ATP8B1: variants seen among roughly 807,000 people sequenced by gnomAD.
ATP8B1 encodes ATPase phospholipid transporting 8B1, also known as phospholipid-transporting ATPase IC.
Under a neutral mutation model 149.9 loss-of-function variants are expected in ATP8B1, and 80 were observed. The observed-to-expected ratio is 0.53, with a 90% CI of 0.45 to 0.64. The LOEUF (loss-of-function observed/expected upper bound fraction) is 0.64. Ranked by LOEUF, ATP8B1 falls within the 30% of genes least tolerant of loss-of-function variation. ATP8B1 has a pLI of 0.00. For synonymous variants in ATP8B1, 536 were observed against 562.8 expected (o/e 0.95, Z 0.67); for missense variants, 1,247 against 1,552.6 (o/e 0.80, Z 3.31).
intron 1 of ATP8B1, among the ~76,000 whole-genome samples, chr18:57,746,498 G>A (rs1169312356): frequency 1.6e-5 from 2 of 121,370 alleles, no homozygotes; most frequent in Admixed American, 1.0e-4. Context: ...TTTTGAGACA[G>A]AGTCTCACTC....
intron 1 of ATP8B1, among the ~76,000 whole-genome samples, chr18:57,789,291 C>A (rs779624423): frequency 4.6e-5 from 7 of 152,158 alleles, no homozygotes; most frequent in Admixed American, 1.3e-4. Flanking sequence ...GATTTTCCAA[C>A]CTTCGGCTGT....
chr18:57,779,681 C>A lies in ATP8B1; in HGVS notation c.-26+23317G>T, dbSNP rs964189357. 2.6e-5 allele frequency among the ~76,000 whole-genome samples: 4 copies of A among 152,110 alleles called. No homozygotes were observed. In the East Asian group the frequency reaches 7.7e-4, roughly 29 times the overall value. ...TTGGGAGGCCGAGGCGGGTAGGTCA[C>A]GAGGTCAGCACTTCGAGACCAGCCC... is the stretch of plus-strand genomic sequence containing the variant. On this transcript the variant is annotated intron_variant, in intron 1 of 27. Transcript: ENST00000648908.
rs555214309 is a variant in ATP8B1 at position 57,709,363 on chromosome 18, G to C, written c.182-2776C>G. On this transcript the variant is annotated intron_variant, in intron 2 of 27. Coordinates refer to ENST00000648908, the MANE Select transcript of ATP8B1 (RefSeq NM_001374385.1). ...TGAGAAGTCCTGTAGTAAATAAACT[G>C]ATTTTATTTTATAAGTTAAATGTTT... Among the ~76,000 whole-genome samples, 9 of 152,240 alleles carry C rather than the reference G, an allele frequency of 5.9e-5. No individual in the cohort carries two copies. In the East Asian group the frequency reaches 1.7e-3, roughly 29 times the overall value.
chr18:57,729,549 C>CTTTTTTTTTTTTTTTTTTTTTTTT (rs71171074), intron 2 of ATP8B1, among the ~76,000 whole-genome samples: 1 of 120,740 alleles, frequency 8.3e-6, no homozygotes, highest in African/African-American at 3.2e-5. Context: ...TTCTTTCTTT[C>CTTTTTTTTTTTTTTTTTTTTTTTT]TTTTTTTTTT....
intron 2 of ATP8B1, among the ~76,000 whole-genome samples, chr18:57,719,693 G>A (rs939175131): frequency 1.3e-5 from 2 of 152,188 alleles, no homozygotes; most frequent in African/African-American, 4.8e-5. Flanking sequence ...AGAGGTGCCC[G>A]CCATTGCCCA....
At chr18:57,718,258 A>G (rs899755889) in intron 2 of ATP8B1, among the ~76,000 whole-genome samples, 2 of 152,086 alleles carry the variant, frequency 1.3e-5, no homozygotes, top group Admixed American at 6.6e-5. Flanking sequence ...GAAAATGTAG[A>G]AAAAAATGGA....
intron 2 of ATP8B1, among the ~76,000 whole-genome samples, chr18:57,723,832 C>T (rs1477532823): frequency 1.3e-5 from 2 of 149,704 alleles, no homozygotes; most frequent in South Asian, 2.1e-4. Flanking sequence ...AGGCATCACA[C>T]TACCTGACTT....
chr18:57,764,756 TCAAAAAAAAAAA>T (rs2080194846), intron 1 of ATP8B1, among the ~76,000 whole-genome samples: 1 of 66,440 alleles, frequency 1.5e-5, no homozygotes, highest in Non-Finnish European at 2.9e-5. Flanking sequence ...CTTTCAGTTG[TCAAAAAAAAAAA>T]AAAAAAAAAA....
chr18:57,669,216 C>T (rs1911079315), intron 18 of ATP8B1, 102 bp downstream of exon 18: 13 of 1,241,338 alleles, frequency 1.0e-5, no homozygotes, highest in Admixed American at 7.6e-5. Context: ...GCTGAAGTTA[C>T]AATTATCTCT....
intron 11 of ATP8B1, among the ~76,000 whole-genome samples, chr18:57,692,861 G>A (rs1314174172): frequency 3.9e-5 from 6 of 152,170 alleles, no homozygotes; most frequent in African/African-American, 1.2e-4. Context: ...GTATTATGTT[G>A]TAGAAGTTAT....
chr18:57,743,100 A>G (rs2079933603), intron 1 of ATP8B1, among the ~76,000 whole-genome samples: 2 of 152,306 alleles, frequency 1.3e-5, no homozygotes, highest in South Asian at 2.1e-4. Context: ...TGCAATTGTC[A>G]TGGAATTATG....
intron 2 of ATP8B1, among the ~76,000 whole-genome samples, chr18:57,710,082 C>G (rs1292257025): frequency 3.3e-5 from 5 of 152,020 alleles, no homozygotes; most frequent in African/African-American, 1.2e-4. Flanking sequence ...AAGTGATCCT[C>G]CTGCCTCAGC....
intron 1 of ATP8B1, among the ~76,000 whole-genome samples, chr18:57,745,252 A>G (rs902858954): frequency 2.0e-4 from 30 of 152,132 alleles, no homozygotes; most frequent in African/African-American, 5.6e-4. Context: ...GAATACTTCA[A>G]TGAAAGGACT....
chr18:57,707,264 C>G (rs561878838), intron 2 of ATP8B1, among the ~76,000 whole-genome samples: 21 of 152,154 alleles, frequency 1.4e-4, no homozygotes, highest in Non-Finnish European at 2.6e-4. Context: ...CCACTGCACT[C>G]TAGCCTGGGC....
At chr18:57,687,723 G>T (rs935090883) in intron 13 of ATP8B1, among the ~76,000 whole-genome samples, 3 of 149,096 alleles carry the variant, frequency 2.0e-5, no homozygotes, top group Non-Finnish European at 3.0e-5. Context: ...GTTCTTTTGA[G>T]TATATAACCT....
chr18:57,791,100 A>G (rs1362749874), intron 1 of ATP8B1, among the ~76,000 whole-genome samples: 1 of 152,150 alleles, frequency 6.6e-6, no homozygotes, highest in Non-Finnish European at 1.5e-5. Context: ...GAAATTTTTC[A>G]TCTTCCCAAA....
chr18:57,664,754 C>G (rs1192233743), intron 20 of ATP8B1, among the ~76,000 whole-genome samples: 2 of 151,980 alleles, frequency 1.3e-5, no homozygotes, highest in East Asian at 3.9e-4. Flanking sequence ...ATATCTTGTC[C>G]AATCTCTTCA....
rs71171057 is a variant in ATP8B1, at chr18:57,653,682, CTTTTTTTT to C, written c.3015+302_3015+309del. ...CCCAGTCACAGAAATCCTCTTTTCT[CTTTTTTTT>C]TTTTTTTTTTTTTGTCTTAGAGATG... is the stretch of plus-strand genomic sequence containing the variant. On this transcript the variant is annotated intron_variant, in intron 24 of 27. Coordinates refer to ENST00000648908, the MANE Select transcript of ATP8B1 (RefSeq NM_001374385.1). Among the ~76,000 whole-genome samples the C allele has an allele frequency of 7.0e-3, 829 of 117,800 alleles. 15 individuals are homozygous for C. The highest frequency in any genetic ancestry group is 0.026 in the African/African-American group (759 of 29,462). 77.3% of individuals were successfully genotyped at this position (117,800 alleles called of 152,430 possible).
At position 57,690,209 on chromosome 18, in the gene ATP8B1, C is replaced by T. The variant is rs566901320; in HGVS notation, c.1220+1598G>A. 2.6e-5 allele frequency among the ~76,000 whole-genome samples: 4 copies of T among 152,212 alleles called. No homozygotes were observed. In the South Asian group the frequency reaches 6.2e-4, roughly 24 times the overall value. On this transcript the variant is annotated intron_variant, in intron 12 of 27. Transcript: ENST00000648908. ...AGATAGATACCTATGTAAGGAATGC[C>T]CCTGGCAGAGAAAAGAGCAGGGACA...
Sources: gnomAD v4.1 joint callset for allele counts (sites outside exome capture counted in the v4.1 genomes callset) on GRCh38, gnomAD v4.1.1 for gene constraint, MANE v1.5 for transcripts, NCBI Gene and HGNC (gene_info 2026-07-23, HGNC 2026-07-21) for gene names.